Variants in HSP90AA1 observed in about 807,000 individuals in gnomAD.
HSP90AA1 encodes heat shock protein HSP 90-alpha.
Under a neutral mutation model 73.3 loss-of-function variants are expected in HSP90AA1, and 18 were observed. The ratio of observed to expected loss-of-function variants is 0.25; its 90% CI spans 0.17 to 0.36. HSP90AA1 has a LOEUF of 0.36. Ranked by LOEUF, HSP90AA1 falls within the 10% of genes least tolerant of loss-of-function variation. HSP90AA1 has a pLI of 1.00. For missense variants in HSP90AA1, 704 were observed against 874.2 expected, an observed-to-expected ratio of 0.81 and a Z score of 2.45; for synonymous variants, 477 against 296.9, an observed-to-expected ratio of 1.61 and a Z score of -6.24.
Position 102,085,018 on chromosome 14 carries a change from A to T in HSP90AA1, c.664-20T>A, listed in dbSNP as rs565603924. The T allele has an allele frequency of 6.2e-7, 1 of 1,613,960 alleles. No individual in the cohort carries two copies. The highest frequency in any genetic ancestry group is 1.1e-5 in the South Asian group (1 of 91,082). On this transcript the variant is annotated intron_variant, in intron 4 of 10. Transcript: ENST00000216281. ...CTCCACCTTCAAAAGAAAACACGAA[A>T]TCACATCACTGCTGCACTCCAGAAC...
rs1566720146 is a variant in HSP90AA1 at position 102,084,915 on chromosome 14, C to T, written c.747G>A (p.Glu249=). The stretch of plus-strand genomic sequence containing the variant: ...TTTCAGGTTTGTCTTCCGACTCTTT[C>T]TCTTCTTTTTCTTTTTCTTCTTCTT... ...EDKEEEKEKE[E]KESEDKPEIE... is the part of the protein sequence containing the mutation. The change falls in exon 5 of 11, where the codon GAG becomes GAA. Residue 249 remains glutamate, a synonymous_variant. Coordinates refer to ENST00000216281, the MANE Select transcript of HSP90AA1 (RefSeq NM_005348.4). 15 of 1,581,246 alleles carry T rather than the reference C, an allele frequency of 9.5e-6. No individual in the cohort carries two copies. Among genetic ancestry groups the T allele is most frequent in the African/African-American group, 2.7e-5 (2 of 74,406 alleles).
intron 1 of HSP90AA1, among the ~76,000 whole-genome samples, chr14:102,138,681 G>C (rs961243939): frequency 1.3e-5 from 2 of 152,082 alleles, no homozygotes; most frequent in South Asian, 4.1e-4. Context: ...TGCCCCTCCA[G>C]ATATAATCTG....
In HSP90AA1 at chr14:102,081,905, C is replaced by CA. The variant is rs2049108910; in HGVS notation, c.2090-85dup. 8 of 818,866 alleles carry CA rather than the reference C, an allele frequency of 9.8e-6. No homozygotes were observed. The Admixed American group carries it at 1.4e-4, about 14-fold the overall frequency. The allele number at this position is 818,866 out of a possible 1,614,324, so 50.7% of individuals were successfully genotyped here. A position where few individuals can be genotyped will look rare whatever the true frequency, so the allele number is the denominator to read the frequency against. On this transcript the variant is annotated intron_variant, in intron 10 of 10. Transcript: ENST00000216281. The stretch of plus-strand genomic sequence containing the variant: ...AATACTCTTGGTTTCTATCTGCTTT[C>CA]AAGACAGTATTACAGGACATATGAG...
upstream of HSP90AA1, among the ~76,000 whole-genome samples, chr14:102,090,673 G>T (rs1216224371): frequency 6.6e-6 from 1 of 152,168 alleles, no homozygotes; most frequent in African/African-American, 2.4e-5. Context: ...GGATGGTCTT[G>T]ATCTCTTGAC....
At chr14:102,088,714 T>C (rs1211547038), upstream of HSP90AA1, among the ~76,000 whole-genome samples, 1 of 150,838 alleles carries the variant, frequency 6.6e-6, no homozygotes, top group Non-Finnish European at 1.5e-5. Context: ...GGTGAGCGGG[T>C]CGCTGAAGGG....
Position 102,085,826 on chromosome 14 carries a change from T to C in HSP90AA1, c.461A>G (p.His154Arg), listed in dbSNP as rs1257314721. The C allele has an allele frequency of 1.9e-6, 3 of 1,613,880 alleles. No homozygotes were observed. Among genetic ancestry groups the C allele is most frequent in the African/African-American group, 1.3e-5 (1 of 74,922 alleles). Reference sequence around the variant, plus strand: ...CCAAGCGTACTGCTCATCATCGTTATGTTTGGTGATCACAGTTACTTTCTC... The same window carrying C: ...CCAAGCGTACTGCTCATCATCGTTACGTTTGGTGATCACAGTTACTTTCTC... ...VAEKVTVITKHNDDEQYAWES... is the reference protein window; with the variant it reads ...VAEKVTVITKRNDDEQYAWES... The change falls in exon 3 of 11, where the codon CAT becomes CGT. Residue 154 changes from histidine (H) to arginine (R), a missense_variant. By Grantham distance (29) the His-to-Arg change is conservative (BLOSUM62 0). Transcript: ENST00000216281.
Position 102,083,613 on chromosome 14 carries a change from C to T in HSP90AA1, c.1419G>A (p.Glu473=), listed in dbSNP as rs1595655663. 1.2e-6 allele frequency: 2 copies of T among 1,613,466 alleles called. No individual in the cohort carries two copies. Among genetic ancestry groups the T allele is most frequent in the East Asian group, 4.5e-5 (2 of 44,864 alleles). ...TGCAGTAGTCCTTGAGAGAAACCAT[C>T]TCATCACCAGAGGCAGATGTGTAGT... ...LRYYTSASGD[E]MVSLKDYCTR... The change falls in exon 8 of 11, where the codon GAG becomes GAA. Residue 473 remains glutamate (E), a synonymous_variant. Transcript: ENST00000216281.
chr14:102,105,279 T>A (rs891844128), intron 1 of HSP90AA1, among the ~76,000 whole-genome samples: 2 of 151,482 alleles, frequency 1.3e-5, no homozygotes, highest in South Asian at 4.2e-4. Flanking sequence ...TCCAGGCGCT[T>A]TGCTAGGGCT....
At chr14:102,086,150 G>C (rs369012622) in intron 2 of HSP90AA1, 26 bp from the exon 3 acceptor site, 11 of 1,613,844 alleles carry the variant, frequency 6.8e-6, no homozygotes, top group East Asian at 2.2e-5. Context: ...ATTAATTTAA[G>C]CATACAGCAC....
chr14:102,131,575 C>G (rs1276833059), intron 1 of HSP90AA1, among the ~76,000 whole-genome samples: 1 of 152,164 alleles, frequency 6.6e-6, no homozygotes, highest in Non-Finnish European at 1.5e-5. Context: ...GGCACACTTC[C>G]GCCTCGGGGT....
At chr14:102,139,144 T>G (rs2050148094) in intron 1 of HSP90AA1, 2 of 1,348,416 alleles carry the variant, frequency 1.5e-6, no homozygotes, top group African/African-American at 2.9e-5. Flanking sequence ...CACGCAGGAA[T>G]TAGGATATCT....
chr14:102,139,739 C>G, upstream of HSP90AA1: 1 of 890,454 alleles, frequency 1.1e-6, no homozygotes, highest in African/African-American at 1.7e-5. Context: ...GGTGAGCACG[C>G]CTGCGCAGTC....
Position 102,083,970 on chromosome 14 carries a change from C to T in HSP90AA1, c.1161G>A (p.Gly387=), listed in dbSNP as rs748655299. The T allele has an allele frequency of 6.2e-7, 1 of 1,613,678 alleles. No individual in the cohort carries two copies. Among genetic ancestry groups the T allele is most frequent in the Non-Finnish European group, 8.5e-7 (1 of 1,179,658 alleles). The change falls in exon 7 of 11, where the codon GGG becomes GGA. Residue 387 remains glycine, a synonymous_variant. Coordinates refer to ENST00000216281, the MANE Select transcript of HSP90AA1 (RefSeq NM_005348.4). The part of the protein sequence containing the change: ...LIPEYLNFIR[G]VVDSEDLPLN... ...GAGGGAGATCCTCCGAGTCTACCAC[C>T]CCTCTAATGAAGTCTGAAAAAAATA... is the stretch of plus-strand genomic sequence containing the variant.
intron 1 of HSP90AA1, among the ~76,000 whole-genome samples, chr14:102,135,247 C>G (rs1340316989): frequency 1.3e-5 from 2 of 151,706 alleles, no homozygotes; most frequent in Non-Finnish European, 2.9e-5. Flanking sequence ...AAACCTTGAG[C>G]TAAACACAGG....
intron 2 of HSP90AA1, among the ~76,000 whole-genome samples, chr14:102,099,423 T>C (rs570178982): frequency 1.3e-5 from 2 of 152,292 alleles, no homozygotes; most frequent in African/African-American, 4.8e-5. Context: ...CCAGGTGCGG[T>C]GGCGCATGCC....
chr14:102,134,911 G>A (rs557009863), intron 1 of HSP90AA1, among the ~76,000 whole-genome samples: 3 of 152,302 alleles, frequency 2.0e-5, no homozygotes, highest in South Asian at 2.1e-4. Context: ...TGGTAGAGCC[G>A]AGTGGCCTGT....
chr14:102,085,178 G>C, intron 4 of HSP90AA1, 120 bp downstream of exon 4: 1 of 1,413,968 alleles, frequency 7.1e-7, no homozygotes, highest in Non-Finnish European at 1.0e-6. Flanking sequence ...GAGTTAGGTA[G>C]TAGAGCTTAG....
At chr14:102,118,266 G>C (rs78450108) in intron 1 of HSP90AA1, among the ~76,000 whole-genome samples, 2,799 of 152,238 alleles carry the variant, frequency 0.018, 36 homozygotes, top group Non-Finnish European at 0.026. Context: ...CTAAGGTCCT[G>C]CAACACTTAT....
upstream of HSP90AA1, among the ~76,000 whole-genome samples, chr14:102,090,662 A>G (rs1211352941): frequency 6.6e-6 from 1 of 152,184 alleles, no homozygotes; most frequent in Non-Finnish European, 1.5e-5. Flanking sequence ...CGTGTTAGCC[A>G]GGATGGTCTT....
Sources: gnomAD v4.1 joint callset for allele counts (sites outside exome capture counted in the v4.1 genomes callset) on GRCh38, gnomAD v4.1.1 for gene constraint, MANE v1.5 for transcripts, NCBI Gene and HGNC (gene_info 2026-07-23, HGNC 2026-07-21) for gene names.